CFAP299: variants seen among roughly 807,000 people sequenced by gnomAD.
CFAP299 encodes cilia- and flagella-associated protein 299.
Under a neutral mutation model 27.0 loss-of-function variants are expected in CFAP299, and 21 were observed. The ratio of observed to expected loss-of-function variants is 0.78; its 90% CI spans 0.55 to 1.12. The LOEUF (loss-of-function observed/expected upper bound fraction) is 1.12. Among genes scored for constraint, CFAP299 ranks in the 50% most tolerant of loss-of-function variants. CFAP299 has a pLI of 0.00. For synonymous variants in CFAP299, 104 were observed against 98.1 expected (o/e 1.06, Z -0.36); for missense variants, 310 against 276.6 (o/e 1.12, Z -0.86).
At chr4:80,781,156 A>G (rs1454666253) in intron 3 of CFAP299, among the ~76,000 whole-genome samples, 1 of 152,034 alleles carries the variant, frequency 6.6e-6, no homozygotes, top group Non-Finnish European at 1.5e-5. Flanking sequence ...ATAATTTTTA[A>G]AATCCTGTTT....
chr4:80,566,082 G>A (rs932319001), intron 2 of CFAP299, among the ~76,000 whole-genome samples: 2 of 152,052 alleles, frequency 1.3e-5, no homozygotes, highest in Non-Finnish European at 2.9e-5. Context: ...TTTATTGGCT[G>A]ACTTTGGCCC....
chr4:80,506,554 C>T (rs1732047306), intron 2 of CFAP299, among the ~76,000 whole-genome samples: 1 of 152,108 alleles, frequency 6.6e-6, no homozygotes, highest in African/African-American at 2.4e-5. Context: ...GGGGAATAAA[C>T]TTTAATTTTT....
At chr4:80,869,439 T>C (rs1190026525) in intron 3 of CFAP299, among the ~76,000 whole-genome samples, 1 of 152,222 alleles carries the variant, frequency 6.6e-6, no homozygotes, top group Non-Finnish European at 1.5e-5. Context: ...GCTATCAGCA[T>C]AATAACAACT....
chr4:80,722,127 A>G (rs2110046437), intron 3 of CFAP299, among the ~76,000 whole-genome samples: 1 of 152,314 alleles, frequency 6.6e-6, no homozygotes, highest in East Asian at 1.9e-4. Flanking sequence ...CATATATAGA[A>G]AATAATCGAG....
At chr4:80,616,354 A>C (rs987855570) in intron 3 of CFAP299, among the ~76,000 whole-genome samples, 1 of 152,204 alleles carries the variant, frequency 6.6e-6, no homozygotes, top group Non-Finnish European at 1.5e-5. Flanking sequence ...TTTTGTATAT[A>C]CATATAAACT....
At chr4:80,666,735 A>G (rs1741158783) in intron 3 of CFAP299, among the ~76,000 whole-genome samples, 1 of 152,328 alleles carries the variant, frequency 6.6e-6, no homozygotes, top group Middle Eastern at 3.4e-3. Flanking sequence ...TCTTGTAACT[A>G]AGTCTCTTCG....
chr4:80,576,856 T>C lies in CFAP299; in HGVS notation c.243-6237T>C, dbSNP rs189728563. On this transcript the variant is annotated intron_variant, in intron 2 of 5. Coordinates refer to ENST00000358105, the MANE Select transcript of CFAP299 (RefSeq NM_152770.3). ...TGTGAAATATAGGCTAGATTGGAGT[T>C]CTTTGGCTTAAAAAAATTAAATCTA... Among the ~76,000 whole-genome samples the C allele has an allele frequency of 2.0e-5, 3 of 152,286 alleles. No homozygotes were observed. The East Asian group carries it at 5.8e-4, about 29-fold the overall frequency.
In CFAP299 at chr4:80,681,785, C is replaced by G. The variant is rs560843745; in HGVS notation, c.333+98602C>G. Among the ~76,000 whole-genome samples, 313 of 152,256 alleles carry G rather than the reference C, an allele frequency of 2.1e-3. 3 individuals are homozygous for G. Among genetic ancestry groups the G allele is most frequent in the South Asian group, 3.3e-3 (16 of 4,820 alleles). ...ACTATCAAATATTCTGTAAAGTCTTCTAAGCCCATGAATACTTTGTGGGGA... is the reference window on the plus strand; with the variant it reads ...ACTATCAAATATTCTGTAAAGTCTTGTAAGCCCATGAATACTTTGTGGGGA... On this transcript the variant is annotated intron_variant, in intron 3 of 5. Transcript: ENST00000358105.
At chr4:80,581,453 G>GAGATATATATATATATAT (rs1553936101) in intron 2 of CFAP299, among the ~76,000 whole-genome samples, 3 of 103,032 alleles carry the variant, frequency 2.9e-5, no homozygotes, top group South Asian at 3.4e-4. Flanking sequence ...TATTAAGTGA[G>GAGATATATATATATATAT]ATATATATAT....
chr4:80,642,494 G>C (rs753766483), intron 3 of CFAP299, among the ~76,000 whole-genome samples: 7 of 152,194 alleles, frequency 4.6e-5, no homozygotes, highest in Non-Finnish European at 7.3e-5. Context: ...GGCCAGGCGT[G>C]GTGGCTCACG....
At chr4:80,754,534 A>G (rs1295428417) in intron 3 of CFAP299, among the ~76,000 whole-genome samples, 1 of 145,762 alleles carries the variant, frequency 6.9e-6, no homozygotes, top group Non-Finnish European at 1.5e-5. Flanking sequence ...TTTCAAGGGG[A>G]AAGTGAGAGG....
At chr4:80,558,354 G>T (rs867944770) in intron 2 of CFAP299, among the ~76,000 whole-genome samples, 3,450 of 125,922 alleles carry the variant, frequency 0.027, 229 homozygotes, top group African/African-American at 0.1. Context: ...TTGTTTGTTT[G>T]TTTGTTTGTT....
intron 4 of CFAP299, among the ~76,000 whole-genome samples, chr4:80,880,993 C>T (rs1733674616): frequency 6.6e-6 from 1 of 152,140 alleles, no homozygotes; most frequent in South Asian, 2.1e-4. Context: ...CCTGTAGATG[C>T]CAGTCCTCTA....
intron 3 of CFAP299, among the ~76,000 whole-genome samples, chr4:80,856,600 C>T (rs1470166090): frequency 6.6e-6 from 1 of 151,824 alleles, no homozygotes; most frequent in African/African-American, 2.4e-5. Context: ...AGGAAGGGAT[C>T]GAGTTTCAGC....
chr4:80,883,968 A>G (rs551008295), intron 4 of CFAP299, among the ~76,000 whole-genome samples: 6 of 152,196 alleles, frequency 3.9e-5, no homozygotes, highest in African/African-American at 1.4e-4. Flanking sequence ...TCACCCAGGT[A>G]TTAGGCCTGG....
At chr4:80,676,572 A>C (rs1719473577) in intron 3 of CFAP299, among the ~76,000 whole-genome samples, 1 of 152,126 alleles carries the variant, frequency 6.6e-6, no homozygotes, top group African/African-American at 2.4e-5. Context: ...CTACAAAGCT[A>C]TCAGATTCTG....
rs1730553723 is a variant in CFAP299, at chr4:80,481,280, A to G, written c.243-101813A>G. Among the ~76,000 whole-genome samples the G allele has an allele frequency of 2.6e-5, 4 of 152,108 alleles. No homozygotes were observed. The South Asian group carries it at 8.3e-4, about 31-fold the overall frequency. ...TTCTGGAAATTTTTCATATGCCACA[A>G]AAACAAAATAATGTGCTAAAATTAT... On this transcript the variant is annotated intron_variant, in intron 2 of 5. Coordinates refer to ENST00000358105, the MANE Select transcript of CFAP299 (RefSeq NM_152770.3).
At chr4:80,653,266 G>C (rs1489487099) in intron 3 of CFAP299, among the ~76,000 whole-genome samples, 1 of 152,072 alleles carries the variant, frequency 6.6e-6, no homozygotes, top group East Asian at 1.9e-4. Flanking sequence ...AGGCACACAG[G>C]AGATATCCTA....
rs373005660 is a variant in CFAP299, at chr4:80,704,669, A to T, written c.333+121486A>T. On this transcript the variant is annotated intron_variant, in intron 3 of 5. Coordinates refer to ENST00000358105, the MANE Select transcript of CFAP299 (RefSeq NM_152770.3). ...CATTCCTGAAATTTGCAGAAGCAAC[A>T]TTCCTTTCTTGACATTTAATTATAA... Among the ~76,000 whole-genome samples, 12 of 151,902 alleles carry T rather than the reference A, an allele frequency of 7.9e-5. No homozygotes were observed. In the South Asian group the frequency reaches 2.5e-3, roughly 31 times the overall value.
Sources: allele counts gnomAD v4.1 joint callset (sites outside exome capture counted in the v4.1 genomes callset), GRCh38; gene constraint gnomAD v4.1.1; transcripts MANE v1.5; gene names NCBI Gene and HGNC (gene_info 2026-07-23, HGNC 2026-07-21).